The following DNAAF9 variants were observed in gnomAD, a reference collection of about 807,000 sequenced individuals.
The protein encoded by DNAAF9 is dynein axonemal assembly factor 9, also known as shulin.
A neutral mutation model predicts 167.0 loss-of-function variants in DNAAF9; 90 were observed. The observed-to-expected ratio is 0.54, with a 90% CI of 0.45 to 0.64. The LOEUF (loss-of-function observed/expected upper bound fraction) is 0.64, where lower values mean the gene tolerates loss of function less well. Among genes scored for constraint, DNAAF9 ranks in the 30% least tolerant of loss-of-function variants. DNAAF9 has a pLI of 0.00. For missense variants in DNAAF9, 1,315 were observed against 1,442.2 expected (o/e 0.91, Z 1.43); for synonymous variants, 491 against 508.8 (o/e 0.96, Z 0.47).
At position 3,296,612 on chromosome 20, in the gene DNAAF9, C is replaced by G; in HGVS notation, c.2018+249G>C. ...GGCAGGCTAGTCTCTAATTCTTGTG[C>G]TCAATTCATCCTCCTGCCTCAGCCT... On this transcript the variant is annotated intron_variant, in intron 23 of 36. Coordinates refer to ENST00000252032, the MANE Select transcript of DNAAF9 (RefSeq NM_001009984.3). 2 of 459,054 alleles carry G rather than the reference C, an allele frequency of 4.4e-6. 1 individual carries two copies. The highest frequency in any genetic ancestry group is 7.5e-5 in the South Asian group (2 of 26,718). The allele number at this position is 459,054 out of a possible 1,614,324, so 28.4% of individuals were successfully genotyped here. A position where few individuals can be genotyped will look rare whatever the true frequency, so the allele number is the denominator to read the frequency against.
At chr20:3,341,038 G>A (rs889158650) in intron 9 of DNAAF9, among the ~76,000 whole-genome samples, 1 of 152,096 alleles carries the variant, frequency 6.6e-6, no homozygotes, top group African/African-American at 2.4e-5. Flanking sequence ...AGACAATAGG[G>A]CAGTCACCAA....
intron 8 of DNAAF9, 143 bp downstream of exon 8, chr20:3,348,382 C>A: frequency 2.4e-6 from 1 of 420,402 alleles, no homozygotes; most frequent in Non-Finnish European, 4.1e-6. Flanking sequence ...TGGGGGGGAA[C>A]TACTTTATGG....
chr20:3,337,440 G>GTTTTTTTTTTTTTTTTTTTTT (rs55881467), intron 10 of DNAAF9, among the ~76,000 whole-genome samples: 1 of 134,402 alleles, frequency 7.4e-6, no homozygotes, highest in Non-Finnish European at 1.6e-5. Flanking sequence ...CTTTTTTTTT[G>GTTTTTTTTTTTTTTTTTTTTT]TTTTTTTTTT....
At position 3,315,489 on chromosome 20, in the gene DNAAF9, T is replaced by G. The variant is rs181487996; in HGVS notation, c.1590+246A>C. On this transcript the variant is annotated intron_variant, in intron 19 of 36. Coordinates refer to ENST00000252032, the MANE Select transcript of DNAAF9 (RefSeq NM_001009984.3). The surrounding 1 kb of genome is among the most constrained non-coding windows in gnomAD (Gnocchi z 4.1). ...CCAATCTGGGATCTGCTTTTAATAT[T>G]ATGGGGAGATTTTTAAAAGAACACC... Among the ~76,000 whole-genome samples the G allele has an allele frequency of 4.5e-4, 68 of 152,318 alleles. No homozygotes were observed. The highest frequency in any genetic ancestry group is 1.6e-3 in the African/African-American group (66 of 41,574).
chr20:3,402,007 T>C lies in DNAAF9; in HGVS notation c.83+5468A>G, dbSNP rs139317655. Reference sequence around the variant, plus strand: ...CAGTAGCTTCTTCATAAAACGGGCATGTGAGGTCAAATTTTGAGAACTTAC... The same window carrying C: ...CAGTAGCTTCTTCATAAAACGGGCACGTGAGGTCAAATTTTGAGAACTTAC... On this transcript the variant is annotated intron_variant, in intron 1 of 36. Transcript: ENST00000252032. Among the ~76,000 whole-genome samples the C allele has an allele frequency of 5.4e-3, 829 of 152,358 alleles. 2 individuals carry two copies. The highest frequency in any genetic ancestry group is 6.8e-3 in the Middle Eastern group (2 of 294).
In DNAAF9 at chr20:3,256,218, G is replaced by C. The variant is rs1339159158; in HGVS notation, c.3056-7C>G. The C allele has an allele frequency of 6.2e-7, 1 of 1,604,832 alleles. No homozygotes were observed. Among genetic ancestry groups the C allele is most frequent in the South Asian group, 1.1e-5 (1 of 90,892 alleles). ...TCCATGGTCCTCTCAGAGTCTGTAAGGAGAATACACATTAGTCCCTGAGAG... is the reference window on the plus strand; with the variant it reads ...TCCATGGTCCTCTCAGAGTCTGTAACGAGAATACACATTAGTCCCTGAGAG... On this transcript the variant is annotated splice_region_variant and splice_polypyrimidine_tract_variant and intron_variant, in intron 33 of 36. Transcript: ENST00000252032.
chr20:3,371,333 C>CTTTT (rs532202424), intron 6 of DNAAF9, among the ~76,000 whole-genome samples: 4 of 84,076 alleles, frequency 4.8e-5, no homozygotes, highest in Non-Finnish European at 6.6e-5. Flanking sequence ...TGAAGAAAAT[C>CTTTT]TTTTTTTTTT....
intron 1 of DNAAF9, among the ~76,000 whole-genome samples, chr20:3,402,280 T>C (rs1007586269): frequency 2.0e-5 from 3 of 152,182 alleles, no homozygotes; most frequent in Non-Finnish European, 4.4e-5. Context: ...TTGACAGATA[T>C]ATATATGTAT....
intron 7 of DNAAF9, among the ~76,000 whole-genome samples, chr20:3,359,039 C>T (rs1317365105): frequency 6.6e-6 from 1 of 152,186 alleles, no homozygotes; most frequent in Admixed American, 6.5e-5. Flanking sequence ...TTTCATGCTA[C>T]TATGGCATTG....
intron 6 of DNAAF9, among the ~76,000 whole-genome samples, chr20:3,364,325 G>T (rs922092921): frequency 6.6e-6 from 1 of 151,980 alleles, no homozygotes; most frequent in Non-Finnish European, 1.5e-5. Context: ...ACCTTGCTGG[G>T]TGCTAAATAT....
intron 28 of DNAAF9, among the ~76,000 whole-genome samples, chr20:3,281,076 T>A (rs2068756957): frequency 6.6e-6 from 1 of 152,176 alleles, no homozygotes; most frequent in South Asian, 2.1e-4. Flanking sequence ...TCACCCAGGC[T>A]GGGGTGCAGT....
At chr20:3,299,153 C>T (rs761178074) in intron 21 of DNAAF9, among the ~76,000 whole-genome samples, 6 of 152,112 alleles carry the variant, frequency 3.9e-5, no homozygotes, top group Middle Eastern at 3.4e-3. Flanking sequence ...ATAATCCGCC[C>T]GCCTTGGCCT....
chr20:3,331,846 G>A (rs2069835258), intron 11 of DNAAF9, among the ~76,000 whole-genome samples: 1 of 152,158 alleles, frequency 6.6e-6, no homozygotes, highest in African/African-American at 2.4e-5. Context: ...GCTAATTTTT[G>A]TATTTTTAGT....
At chr20:3,281,819 G>T in intron 27 of DNAAF9, 53 bp from the exon 28 acceptor site, 1 of 1,562,692 alleles carries the variant, frequency 6.4e-7, no homozygotes, top group Admixed American at 1.9e-5. Context: ...TTGCAAAGTG[G>T]AGGAAGAGGG....
intron 1 of DNAAF9, among the ~76,000 whole-genome samples, chr20:3,404,126 T>C (rs1451384051): frequency 6.6e-6 from 1 of 152,202 alleles, no homozygotes; most frequent in African/African-American, 2.4e-5. Flanking sequence ...ACCTCCCAGG[T>C]TCAGGTGATT....
intron 8 of DNAAF9, among the ~76,000 whole-genome samples, chr20:3,348,247 A>G (rs1200172095): frequency 6.6e-6 from 1 of 152,130 alleles, no homozygotes; most frequent in East Asian, 1.9e-4. Flanking sequence ...CATGTGGATA[A>G]TTATTCCTAC....
intron 15 of DNAAF9, 83 bp from the exon 16 acceptor site, chr20:3,322,345 G>T: frequency 3.8e-6 from 4 of 1,063,378 alleles, no homozygotes; most frequent in South Asian, 1.3e-5. Flanking sequence ...TTTCAACTTG[G>T]CAATGACAAG....
At chr20:3,388,737 G>T (rs1470570259) in intron 1 of DNAAF9, among the ~76,000 whole-genome samples, 1 of 152,170 alleles carries the variant, frequency 6.6e-6, no homozygotes, top group Non-Finnish European at 1.5e-5. Context: ...ACCCAGAATA[G>T]TCAACTTCAC....
At chr20:3,256,795 A>C (rs1298939119) in intron 33 of DNAAF9, among the ~76,000 whole-genome samples, 5 of 152,226 alleles carry the variant, frequency 3.3e-5, no homozygotes, top group African/African-American at 1.2e-4. Flanking sequence ...GGAAAAGCAA[A>C]GAAACCCCCT....
Sources: gnomAD v4.1 joint callset for allele counts (sites outside exome capture counted in the v4.1 genomes callset) on GRCh38, gnomAD v4.1.1 for gene constraint, Gnocchi (gnomAD v3.1) non-coding constraint, MANE v1.5 for transcripts, NCBI Gene and HGNC (gene_info 2026-07-23, HGNC 2026-07-21) for gene names.